DNAH8: variants seen among roughly 807,000 people sequenced by gnomAD.
DNAH8 encodes dynein axonemal heavy chain 8, also known as axonemal beta dynein heavy chain 8.
A neutral mutation model predicts 562.1 loss-of-function variants in DNAH8; 382 were observed. The ratio of observed to expected loss-of-function variants is 0.68; its 90% CI spans 0.63 to 0.74. The LOEUF (loss-of-function observed/expected upper bound fraction) is 0.74. DNAH8 is among the 30% of genes least tolerant of loss of function. The pLI is 0.00. For missense variants in DNAH8, 5,203 were observed against 5,620.4 expected, an observed-to-expected ratio of 0.93 and a Z score of 2.37; for synonymous variants, 1,881 against 1,919.4, an observed-to-expected ratio of 0.98 and a Z score of 0.52.
intron 26 of DNAH8, 64 bp from the exon 27 acceptor site, chr6:38,822,774 A>T (rs1772983148): frequency 8.4e-7 from 1 of 1,193,536 alleles, no homozygotes; most frequent in Admixed American, 3.2e-5. Flanking sequence ...CACAAATATT[A>T]AAACTGATAA....
intron 30 of DNAH8, among the ~76,000 whole-genome samples, chr6:38,828,965 A>G (rs1032968074): frequency 2.0e-5 from 3 of 152,144 alleles, no homozygotes; most frequent in African/African-American, 4.8e-5. Context: ...TGGACATTTA[A>G]TGTAGACTAA....
chr6:38,784,940 A>G (rs986201340), intron 17 of DNAH8, among the ~76,000 whole-genome samples: 13 of 152,348 alleles, frequency 8.5e-5, no homozygotes, highest in Non-Finnish European at 1.3e-4. Flanking sequence ...TCCAATAAGT[A>G]GACATTAGAC....
At chr6:38,892,036 T>C (rs2150489193) in intron 58 of DNAH8, among the ~76,000 whole-genome samples, 1 of 152,330 alleles carries the variant, frequency 6.6e-6, no homozygotes, top group East Asian at 1.9e-4. Flanking sequence ...ACCTAAATGA[T>C]CCCTCTAAAT....
rs947137838 is a variant in DNAH8, at chr6:38,883,319, C to T, written c.8002-3C>T. On this transcript the variant is annotated splice_region_variant and splice_polypyrimidine_tract_variant and intron_variant, in intron 54 of 92. Coordinates refer to ENST00000327475, the MANE Select transcript of DNAH8 (RefSeq NM_001206927.2). ...TTTCAACACTATTATCCTATGATTG[C>T]AGGCTGTTTTGCTCACAGGAGAGCA... is the stretch of plus-strand genomic sequence containing the variant. 8 of 1,603,666 alleles carry T rather than the reference C, an allele frequency of 5.0e-6. No homozygotes were observed. The highest frequency in any genetic ancestry group is 6.8e-6 in the Non-Finnish European group (8 of 1,176,308).
chr6:38,888,984 T>G (rs931688004), intron 57 of DNAH8, among the ~76,000 whole-genome samples: 3 of 152,256 alleles, frequency 2.0e-5, no homozygotes, highest in African/African-American at 7.2e-5. Flanking sequence ...TTATGTTTTC[T>G]TCCAGACATT....
intron 18 of DNAH8, among the ~76,000 whole-genome samples, chr6:38,788,366 G>A (rs1387007260): frequency 6.6e-6 from 1 of 152,060 alleles, no homozygotes; most frequent in South Asian, 2.1e-4. Context: ...TGGCCAGGAT[G>A]GTCTCGATCT....
intron 37 of DNAH8, among the ~76,000 whole-genome samples, chr6:38,849,290 G>C (rs1370620279): frequency 6.6e-6 from 1 of 152,084 alleles, no homozygotes; most frequent in African/African-American, 2.4e-5. Flanking sequence ...TCTATATTCT[G>C]TAAGCACAGA....
At chr6:38,976,492 A>G (rs922603697) in intron 85 of DNAH8, among the ~76,000 whole-genome samples, 5 of 152,106 alleles carry the variant, frequency 3.3e-5, no homozygotes, top group African/African-American at 9.7e-5. Context: ...CTTGGTTAGG[A>G]TAGGGACAGC....
Position 38,917,277 on chromosome 6 carries a change from T to G in DNAH8, c.10179T>G (p.Leu3393=), listed in dbSNP as rs146031264. Reference sequence around the variant, plus strand: ...ATGATATTGCCACAGTCAGGAAACTTGCAAAACCACCACATCTTATTATGA... The same window carrying G: ...ATGATATTGCCACAGTCAGGAAACTGGCAAAACCACCACATCTTATTATGA... ...KPNDIATVRK[L]AKPPHLIMRI... Residue 3393 remains leucine, a synonymous_variant, in exon 69 of 93, where the codon CTT becomes CTG. Transcript: ENST00000327475. 1.8e-4 allele frequency: 294 copies of G among 1,613,098 alleles called. 1 individual carries two copies. In the African/African-American group the frequency reaches 2.6e-3, roughly 14 times the overall value.
At chr6:38,982,317 A>G in intron 85 of DNAH8, 29 bp from the exon 86 acceptor site, 1 of 953,850 alleles carries the variant, frequency 1.0e-6, no homozygotes, top group Non-Finnish European at 1.7e-6. Context: ...AGGTACATGC[A>G]ATACTTACTT....
intron 70 of DNAH8, among the ~76,000 whole-genome samples, chr6:38,919,426 T>C (rs911521494): frequency 1.3e-5 from 2 of 152,194 alleles, no homozygotes; most frequent in African/African-American, 4.8e-5. Context: ...AATATTTTTT[T>C]TTAACAAGGG....
At chr6:39,027,184 G>A (rs1221741771) in intron 92 of DNAH8, among the ~76,000 whole-genome samples, 1 of 152,176 alleles carries the variant, frequency 6.6e-6, no homozygotes, top group Non-Finnish European at 1.5e-5. Flanking sequence ...GCAATAAGCA[G>A]TGATCACACC....
intron 11 of DNAH8, among the ~76,000 whole-genome samples, chr6:38,769,253 A>G (rs1035136876): frequency 6.6e-6 from 1 of 152,200 alleles, no homozygotes; most frequent in Admixed American, 6.5e-5. Flanking sequence ...AAGTTCTGGG[A>G]TACATGTGCA....
chr6:38,723,535 T>C, intron 3 of DNAH8, 64 bp downstream of exon 3: 5 of 1,526,136 alleles, frequency 3.3e-6, no homozygotes, highest in Non-Finnish European at 4.4e-6. Flanking sequence ...CTTAAGAAAA[T>C]AGAGTTGTCA....
At chr6:38,895,932 T>G in intron 59 of DNAH8, 101 bp from the exon 60 acceptor site, 3 of 926,428 alleles carry the variant, frequency 3.2e-6, no homozygotes, top group Non-Finnish European at 5.0e-6. Flanking sequence ...TGTCCTGAAT[T>G]GAGAAGGTCC....
Position 38,894,805 on chromosome 6 carries a change from T to C in DNAH8, c.8688T>C (p.Ala2896=), listed in dbSNP as rs1317831517. The C allele has an allele frequency of 6.2e-6, 10 of 1,613,986 alleles. No homozygotes were observed. The highest frequency in any genetic ancestry group is 8.5e-6 in the Non-Finnish European group (10 of 1,180,020). Residue 2896 remains alanine, a synonymous_variant, in exon 59 of 93, where the codon GCT becomes GCC. Coordinates refer to ENST00000327475, the MANE Select transcript of DNAH8 (RefSeq NM_001206927.2). ...TGACCATAAAAGCTGAGGAGTGCGC[T>C]TCAATCCCTACTCTCCTGTCCCTTT... is the stretch of plus-strand genomic sequence containing the variant. ...GMLTIKAEEC[A]SIPTLLSLFK... is the part of the protein sequence containing the mutation.
At chr6:38,736,533 T>A (rs1447363105) in intron 5 of DNAH8, among the ~76,000 whole-genome samples, 1 of 152,200 alleles carries the variant, frequency 6.6e-6, no homozygotes, top group Non-Finnish European at 1.5e-5. Context: ...AGAAATCATT[T>A]TTTTTTGTGA....
At chr6:39,002,863 G>GTATC (rs1379739728) in intron 88 of DNAH8, among the ~76,000 whole-genome samples, 17 of 152,276 alleles carry the variant, frequency 1.1e-4, no homozygotes, top group African/African-American at 3.8e-4. Context: ...TCGTATCACT[G>GTATC]TATCTGACTG....
At chr6:38,968,364 G>GAA (rs1343685916) in intron 82 of DNAH8, among the ~76,000 whole-genome samples, 1 of 152,112 alleles carries the variant, frequency 6.6e-6, no homozygotes, top group Non-Finnish European at 1.5e-5. Flanking sequence ...TAAAATAGGA[G>GAA]AAAATATTTG....
Sources: allele counts gnomAD v4.1 joint callset (sites outside exome capture counted in the v4.1 genomes callset), GRCh38; gene constraint gnomAD v4.1.1; transcripts MANE v1.5; gene names NCBI Gene and HGNC (gene_info 2026-07-23, HGNC 2026-07-21).